POU6F2: variants seen among roughly 807,000 people sequenced by gnomAD.
POU6F2 encodes the protein POU domain, class 6, transcription factor 2.
In POU6F2, 31 loss-of-function variants were observed where a neutral mutation model predicts 71.3. That is an observed-to-expected ratio of 0.43 (90% CI 0.33 to 0.59). The LOEUF (loss-of-function observed/expected upper bound fraction) is 0.59, where lower values mean the gene tolerates loss of function less well. Ranked by LOEUF, POU6F2 falls within the 20% of genes least tolerant of loss-of-function variation. POU6F2 has a pLI of 0.04. For missense variants in POU6F2, 783 were observed against 856.8 expected (o/e 0.91, Z 1.07); for synonymous variants, 347 against 355.7 (o/e 0.98, Z 0.27).
chr7:39,261,755 T>A (rs11762957), intron 4 of POU6F2, among the ~76,000 whole-genome samples: 58,612 of 152,052 alleles, frequency 0.39, 11,664 homozygotes, highest in South Asian at 0.57. Context: ...AGTTCTGTGA[T>A]TTGTTTTCTA....
intron 8 of POU6F2, among the ~76,000 whole-genome samples, chr7:39,452,444 A>G (rs937564188): frequency 1.1e-4 from 17 of 152,232 alleles, no homozygotes; most frequent in Non-Finnish European, 7.3e-5. Flanking sequence ...TTACTTATAT[A>G]TAAAACTGCA....
intron 1 of POU6F2, among the ~76,000 whole-genome samples, chr7:39,027,267 G>T (rs1789830622): frequency 1.3e-5 from 2 of 152,110 alleles, no homozygotes; most frequent in African/African-American, 4.8e-5. Context: ...ATTGCAACTG[G>T]ATATCCTTCT....
chr7:39,413,428 G>A (rs1200583050), intron 6 of POU6F2, among the ~76,000 whole-genome samples: 6 of 152,132 alleles, frequency 3.9e-5, no homozygotes, highest in African/African-American at 7.2e-5. Flanking sequence ...GAATAAGTAA[G>A]AATCAGACAT....
rs1290038720 is a variant in POU6F2, at chr7:39,364,509, A to G, written c.972+24494A>G. Among the ~76,000 whole-genome samples the G allele has an allele frequency of 2.6e-5, 4 of 152,252 alleles. No homozygotes were observed. In the South Asian group the frequency reaches 8.3e-4, roughly 32 times the overall value. On this transcript the variant is annotated intron_variant, in intron 5 of 9. Coordinates refer to ENST00000518318, the MANE Select transcript of POU6F2 (RefSeq NM_001370959.1). Reference sequence around the variant, plus strand: ...TTAGCTTCCACTTATGAGCGAGAACATACCATGTTTGCTTTTCCATTCCTG... The same window carrying G: ...TTAGCTTCCACTTATGAGCGAGAACGTACCATGTTTGCTTTTCCATTCCTG...
At chr7:39,130,979 C>T (rs905084652) in intron 2 of POU6F2, among the ~76,000 whole-genome samples, 5 of 152,338 alleles carry the variant, frequency 3.3e-5, no homozygotes, top group East Asian at 3.9e-4. Flanking sequence ...GAACCACTTT[C>T]ACAGTCCAGA....
intron 8 of POU6F2, among the ~76,000 whole-genome samples, chr7:39,454,347 A>C (rs1009133406): frequency 6.6e-6 from 1 of 151,756 alleles, no homozygotes; most frequent in African/African-American, 2.4e-5. Flanking sequence ...TATTAACTCA[A>C]TCTCCAGCCC....
At chr7:39,066,503 G>T (rs1237771410) in intron 1 of POU6F2, among the ~76,000 whole-genome samples, 6 of 151,572 alleles carry the variant, frequency 4.0e-5, no homozygotes, top group Admixed American at 3.9e-4. Flanking sequence ...CTATATAAGA[G>T]CAATGACCAC....
intron 4 of POU6F2, among the ~76,000 whole-genome samples, chr7:39,292,308 C>A (rs1784774222): frequency 6.6e-6 from 1 of 152,170 alleles, no homozygotes; most frequent in Non-Finnish European, 1.5e-5. Context: ...TTTGATGAAT[C>A]CATTCCCCGT....
chr7:39,153,565 G>A (rs1469568749), intron 2 of POU6F2, among the ~76,000 whole-genome samples: 10 of 152,146 alleles, frequency 6.6e-5, no homozygotes. Context: ...GTAAATCAGT[G>A]AAATGAAATC....
Position 39,074,254 on chromosome 7 carries a change from C to T in POU6F2, c.106-11606C>T, listed in dbSNP as rs1418986930. On this transcript the variant is annotated intron_variant, in intron 1 of 9. Transcript: ENST00000518318. ...ATCCCAGCACTTTGCGAGGCTGAGG[C>T]GGGTGGATCACCTGAGGTCAGGAGT... Among the ~76,000 whole-genome samples, 9 of 152,138 alleles carry T rather than the reference C, an allele frequency of 5.9e-5. No homozygotes were observed. The East Asian group carries it at 1.2e-3, about 20-fold the overall frequency.
At chr7:39,189,242 A>G (rs1320058697) in intron 2 of POU6F2, among the ~76,000 whole-genome samples, 1 of 152,192 alleles carries the variant, frequency 6.6e-6, no homozygotes, top group East Asian at 1.9e-4. Flanking sequence ...GCACTCCATT[A>G]TCATGCCTGA....
chr7:39,161,200 G>A lies in POU6F2; in HGVS notation c.278-43035G>A, dbSNP rs537103712. On this transcript the variant is annotated intron_variant, in intron 2 of 9. Coordinates refer to ENST00000518318, the MANE Select transcript of POU6F2 (RefSeq NM_001370959.1). The stretch of plus-strand genomic sequence containing the variant: ...TCTCTTGCCTTCTCTCTTTTCTCCT[G>A]TTTGCCTTTTCTTTCCTCTGCTGAG... 3.9e-5 allele frequency among the ~76,000 whole-genome samples: 6 copies of A among 152,192 alleles called. No individual in the cohort carries two copies. In the East Asian group the frequency reaches 1.2e-3, roughly 29 times the overall value.
intron 1 of POU6F2, among the ~76,000 whole-genome samples, chr7:38,985,445 A>G (rs1788439971): frequency 6.6e-6 from 1 of 152,022 alleles, no homozygotes; most frequent in Admixed American, 6.6e-5. Context: ...AAAAATCCAG[A>G]ATGTTCCAGC....
chr7:39,238,514 A>C (rs1271662402), intron 4 of POU6F2, among the ~76,000 whole-genome samples: 1 of 152,216 alleles, frequency 6.6e-6, no homozygotes, highest in African/African-American at 2.4e-5. Flanking sequence ...ACAATGGCAG[A>C]GTTGAATAGT....
chr7:39,464,766 C>A lies in POU6F2; in HGVS notation c.*80C>A. 2 of 1,405,170 alleles carry A rather than the reference C, an allele frequency of 1.4e-6. No individual in the cohort carries two copies. The highest frequency in any genetic ancestry group is 1.9e-6 in the Non-Finnish European group (2 of 1,060,724). The allele number at this position is 1,405,170 out of a possible 1,614,324, so 87.0% of individuals were successfully genotyped here. ...TGGGACTCCACAACAACAACAACAACAAAATTTAATTTAATTTAAAAATAG... is the reference window on the plus strand; with the variant it reads ...TGGGACTCCACAACAACAACAACAAAAAAATTTAATTTAATTTAAAAATAG... On this transcript the variant is annotated 3_prime_UTR_variant, in exon 10 of 10. Coordinates refer to ENST00000518318, the MANE Select transcript of POU6F2 (RefSeq NM_001370959.1). The surrounding 1 kb of genome is among the most constrained non-coding windows in gnomAD (Gnocchi z 4.1).
chr7:38,980,592 T>G (rs1274117321), intron 1 of POU6F2, among the ~76,000 whole-genome samples: 1 of 152,226 alleles, frequency 6.6e-6, no homozygotes, highest in African/African-American at 2.4e-5. Flanking sequence ...TTTTAGCTCT[T>G]GTCTTAAATA....
intron 1 of POU6F2, among the ~76,000 whole-genome samples, chr7:39,074,821 G>A (rs917032091): frequency 3.3e-5 from 5 of 152,150 alleles, no homozygotes; most frequent in African/African-American, 1.2e-4. Flanking sequence ...ACAGCAGGGA[G>A]CAAGCAATAT....
At chr7:39,418,432 G>A (rs766251595) in intron 6 of POU6F2, among the ~76,000 whole-genome samples, 3 of 152,182 alleles carry the variant, frequency 2.0e-5, no homozygotes, top group Non-Finnish European at 2.9e-5. Context: ...GCTCACGCCT[G>A]TAATCCCAGC....
At chr7:39,243,005 T>C (rs1401848778) in intron 4 of POU6F2, among the ~76,000 whole-genome samples, 2 of 152,152 alleles carry the variant, frequency 1.3e-5, no homozygotes, top group Non-Finnish European at 2.9e-5. Context: ...ACTGTCCTCA[T>C]AGAAGTACCT....
Sources: gnomAD v4.1 joint callset for allele counts (sites outside exome capture counted in the v4.1 genomes callset) on GRCh38, gnomAD v4.1.1 for gene constraint, Gnocchi (gnomAD v3.1) non-coding constraint, MANE v1.5 for transcripts, NCBI Gene and HGNC (gene_info 2026-07-23, HGNC 2026-07-21) for gene names.